The following AGTR1 variants were observed in gnomAD, a reference collection of about 807,000 sequenced individuals.
The protein encoded by AGTR1 is type-1 angiotensin II receptor.
A neutral mutation model predicts 19.4 loss-of-function variants in AGTR1; 16 were observed. That is an observed-to-expected ratio of 0.82 (90% CI 0.56 to 1.25). AGTR1 has a LOEUF of 1.25. Ranked by LOEUF, AGTR1 falls within the 50% of genes most tolerant of loss-of-function variation. AGTR1 has a pLI of 0.00. For synonymous variants in AGTR1, 153 were observed against 154.9 expected, an observed-to-expected ratio of 0.99 and a Z score of 0.09; for missense variants, 373 against 431.9, an observed-to-expected ratio of 0.86 and a Z score of 1.21.
At chr3:148,713,283 A>G (rs1713106406) in intron 2 of AGTR1, among the ~76,000 whole-genome samples, 1 of 151,496 alleles carries the variant, frequency 6.6e-6, no homozygotes, top group African/African-American at 2.4e-5. Flanking sequence ...TTTCTATGGT[A>G]TCACCATCCA....
chr3:148,735,324 A>C (rs1327319740), intron 2 of AGTR1, among the ~76,000 whole-genome samples: 2 of 152,218 alleles, frequency 1.3e-5, no homozygotes, highest in Non-Finnish European at 2.9e-5. Context: ...AGAAATGAGC[A>C]TTAAAAACTT....
intron 2 of AGTR1, among the ~76,000 whole-genome samples, chr3:148,737,564 C>T (rs1015630779): frequency 2.0e-5 from 3 of 152,108 alleles, no homozygotes; most frequent in Admixed American, 2.0e-4. Flanking sequence ...AGAACTGTGA[C>T]TTTATTCCCC....
At chr3:148,719,103 G>C in intron 2 of AGTR1, among the ~76,000 whole-genome samples, 1 of 152,146 alleles carries the variant, frequency 6.6e-6, no homozygotes, top group South Asian at 2.1e-4. Context: ...CATGCAATTA[G>C]GTATTGAAGT....
intron 1 of AGTR1, among the ~76,000 whole-genome samples, chr3:148,703,780 T>G (rs1712491175): frequency 1.3e-5 from 2 of 152,080 alleles, no homozygotes; most frequent in South Asian, 4.1e-4. Flanking sequence ...ATTTGAAAAT[T>G]TATTTAAAGT....
chr3:148,715,474 C>G (rs1559925311), intron 2 of AGTR1, among the ~76,000 whole-genome samples: 1 of 152,078 alleles, frequency 6.6e-6, no homozygotes. Context: ...GTCATGTCTC[C>G]CCCAAACGGG....
intron 2 of AGTR1, among the ~76,000 whole-genome samples, chr3:148,718,755 A>G (rs1215193017): frequency 1.3e-5 from 2 of 152,362 alleles, no homozygotes; most frequent in East Asian, 3.8e-4. Context: ...AAATAAACCA[A>G]ATGGGAATTC....
At chr3:148,705,698 T>G (rs1006926833) in intron 1 of AGTR1, among the ~76,000 whole-genome samples, 1 of 151,534 alleles carries the variant, frequency 6.6e-6, no homozygotes, top group Admixed American at 6.6e-5. Flanking sequence ...TGTTATATAT[T>G]TTGTATAAAT....
chr3:148,742,224 G>A lies in AGTR1; in HGVS notation c.*109G>A, dbSNP rs749844862. The A allele has an allele frequency of 1.4e-6, 2 of 1,447,860 alleles. No individual in the cohort carries two copies. Among genetic ancestry groups the A allele is most frequent in the Admixed American group, 3.3e-5 (2 of 59,766 alleles). The allele number at this position is 1,447,860 out of a possible 1,614,324, so 89.7% of individuals were successfully genotyped here. A position where few individuals can be genotyped will look rare whatever the true frequency, so the allele number is the denominator to read the frequency against. On this transcript the variant is annotated 3_prime_UTR_variant, in exon 3 of 3. Transcript: ENST00000349243. ...GCATTAGCTACTTTTCAGAATTGAA[G>A]GAGAAAATGCATTATGTGGACTGAA... is the stretch of plus-strand genomic sequence containing the variant.
At chr3:148,711,437 T>C (rs533673307) in intron 2 of AGTR1, among the ~76,000 whole-genome samples, 1 of 152,216 alleles carries the variant, frequency 6.6e-6, no homozygotes, top group Non-Finnish European at 1.5e-5. Context: ...AATAGTATCA[T>C]TTTTCAATGA....
At chr3:148,717,458 C>T (rs943931525) in intron 2 of AGTR1, among the ~76,000 whole-genome samples, 1 of 152,124 alleles carries the variant, frequency 6.6e-6, no homozygotes, top group Admixed American at 6.6e-5. Flanking sequence ...AGAAATAACC[C>T]ACCAAATTCA....
intron 2 of AGTR1, chr3:148,730,232 G>A (rs936459917): frequency 1.8e-5 from 7 of 398,386 alleles, no homozygotes; most frequent in African/African-American, 1.4e-4. Flanking sequence ...CCACAGCTCA[G>A]AGGAGGTAAA....
intron 2 of AGTR1, among the ~76,000 whole-genome samples, chr3:148,733,990 T>C (rs1457319919): frequency 6.6e-6 from 1 of 152,198 alleles, no homozygotes; most frequent in Non-Finnish European, 1.5e-5. Context: ...ATATGTTTCA[T>C]TGGCACCTGT....
At chr3:148,715,918 T>TTA (rs1713281957) in intron 2 of AGTR1, among the ~76,000 whole-genome samples, 1 of 152,154 alleles carries the variant, frequency 6.6e-6, no homozygotes, top group African/African-American at 2.4e-5. Context: ...TCTCTGACCG[T>TTA]TAGAGAGTTT....
intron 2 of AGTR1, chr3:148,739,722 T>C: frequency 8.4e-7 from 1 of 1,193,240 alleles, no homozygotes; most frequent in Non-Finnish European, 1.0e-6. Flanking sequence ...AGAACATGTG[T>C]TCAGCTCTCC....
At chr3:148,713,208 A>C (rs1442701422) in intron 2 of AGTR1, among the ~76,000 whole-genome samples, 4 of 151,734 alleles carry the variant, frequency 2.6e-5, no homozygotes, top group Admixed American at 6.6e-5. Flanking sequence ...TTGCAGTTTT[A>C]TTTTCTTAGG....
intron 1 of AGTR1, among the ~76,000 whole-genome samples, chr3:148,702,066 C>T (rs1280395822): frequency 1.3e-5 from 2 of 151,442 alleles, no homozygotes; most frequent in Admixed American, 1.3e-4. Flanking sequence ...CAACCTCTGC[C>T]TCCCAGGTTC....
In AGTR1 at chr3:148,726,231, C is replaced by CG. The variant is rs1559928689; in HGVS notation, c.-47-14756dup. ...GTCTACTGATTTTTTTTTTTTTAGA[C>CG]GGAGTCTCGCTCTGTTGCCCAGGCT... On this transcript the variant is annotated intron_variant, in intron 2 of 2. Coordinates refer to ENST00000349243, the MANE Select transcript of AGTR1 (RefSeq NM_000685.5). Among the ~76,000 whole-genome samples, 38 of 150,202 alleles carry CG rather than the reference C, an allele frequency of 2.5e-4. 2 individuals are homozygous for CG. The South Asian group carries it at 7.8e-3, about 31-fold the overall frequency.
rs380400 is a variant in AGTR1, at chr3:148,742,913, G to A, written c.*798G>A. The A allele has an allele frequency of 0.73, 120,797 of 166,080 alleles. 47,848 individuals are homozygous for A. The highest frequency in any genetic ancestry group is 0.87 in the Non-Finnish European group (59,147 of 67,978). 10.3% of individuals were successfully genotyped at this position (166,080 alleles called of 1,614,324 possible). A position where few individuals can be genotyped will look rare whatever the true frequency, so the allele number is the denominator to read the frequency against. On this transcript the variant is annotated 3_prime_UTR_variant, in exon 3 of 3. Transcript: ENST00000349243. ...AAAAGTATATATTCTACACATATAT[G>A]TATATGTATATCTATATCTCTAAAC...
intron 2 of AGTR1, among the ~76,000 whole-genome samples, chr3:148,731,855 A>C (rs1211154589): frequency 2.6e-5 from 4 of 152,238 alleles, no homozygotes; most frequent in Non-Finnish European, 5.9e-5. Context: ...ACTATAATGC[A>C]TACAAAACTG....
Sources: gnomAD v4.1 joint callset for allele counts (sites outside exome capture counted in the v4.1 genomes callset) on GRCh38, gnomAD v4.1.1 for gene constraint, MANE v1.5 for transcripts, NCBI Gene and HGNC (gene_info 2026-07-23, HGNC 2026-07-21) for gene names.